Variants in G6PD observed in about 807,000 individuals in gnomAD.
G6PD encodes glucose-6-phosphate dehydrogenase.
A neutral mutation model predicts 38.2 loss-of-function variants in G6PD; 2 were observed. The ratio of observed to expected loss-of-function variants is 0.05; its 90% CI spans 0.02 to 0.16. G6PD has a LOEUF of 0.16. Among genes scored for constraint, G6PD ranks in the 10% least tolerant of loss-of-function variants. G6PD has a pLI of 1.00. For synonymous variants in G6PD, 188 were observed against 196.0 expected (o/e 0.96, Z 0.34); for missense variants, 310 against 471.6 (o/e 0.66, Z 3.17).
intron 5 of G6PD, among the ~76,000 whole-genome samples, chrX:154,534,809 A>G (rs782128499): frequency 9.0e-6 from 1 of 111,634 alleles, no homozygotes; most frequent in Admixed American, 9.4e-5. Context: ...GGAGGCATCC[A>G]AGCCATGGCT....
At chrX:154,533,805 C>A (rs781854570) in intron 7 of G6PD, 136 bp from the exon 8 acceptor site, 2 of 1,178,243 alleles carry the variant, frequency 1.7e-6, no homozygotes, top group Admixed American at 5.0e-5. Context: ...TCTTCCAGGT[C>A]CCCTTAAATC....
intron 2 of G6PD, among the ~76,000 whole-genome samples, chrX:154,537,576 C>G (rs1359132189): frequency 8.9e-6 from 1 of 111,857 alleles, no homozygotes; most frequent in African/African-American, 3.3e-5. Flanking sequence ...GATCAAGCCA[C>G]TGCACTCCAG....
At chrX:154,535,914 G>C in intron 4 of G6PD, 23 bp downstream of exon 4, 1 of 1,169,173 alleles carries the variant, frequency 8.6e-7, no homozygotes, top group Non-Finnish European at 1.2e-6. Context: ...AACCAGGCTG[G>C]GGGAGGCCCT....
chrX:154,532,806 C>A lies in G6PD; in HGVS notation c.1052-4G>T. 1 of 1,207,721 alleles carries A rather than the reference C, an allele frequency of 8.3e-7. No homozygotes were observed. Among genetic ancestry groups the A allele is most frequent in the Non-Finnish European group, 1.1e-6 (1 of 893,266 alleles). ...CAGCGCAGGATGAAGGGCACCCCTA[C>A]GTGGCGGAAAGGGCAGCCTCAGCAC... On this transcript the variant is annotated splice_polypyrimidine_tract_variant and splice_region_variant and intron_variant, in intron 9 of 12. Coordinates refer to ENST00000393562, the MANE Select transcript of G6PD (RefSeq NM_001360016.2).
chrX:154,546,655 TA>T, intron 1 of G6PD, 133 bp downstream of exon 1: 1 of 533,597 alleles, frequency 1.9e-6, no homozygotes, highest in Non-Finnish European at 2.9e-6. Context: ...GTGCGGGGTA[TA>T]AAGGGATTGG....
At chrX:154,533,802 G>A (rs1557230134) in intron 7 of G6PD, 133 bp from the exon 8 acceptor site, 1 of 1,178,832 alleles carries the variant, frequency 8.5e-7, no homozygotes, top group Non-Finnish European at 1.1e-6. Flanking sequence ...TTGTCTTCCA[G>A]GTCCCCTTAA....
chrX:154,533,250 C>T (rs1210859837), intron 8 of G6PD, 122 bp from the exon 9 acceptor site: 1 of 824,413 alleles, frequency 1.2e-6, no homozygotes. Flanking sequence ...CTCTGCTCAC[C>T]CTGCCAGAGG....
intron 2 of G6PD, among the ~76,000 whole-genome samples, chrX:154,542,798 G>C (rs2070556412): frequency 8.9e-6 from 1 of 111,803 alleles, no homozygotes; most frequent in Non-Finnish European, 1.9e-5. Context: ...ATGCGCTTTG[G>C]GGGACTGGGG....
chrX:154,545,995 C>T (rs376364760), intron 2 of G6PD, 41 bp downstream of exon 2: 20 of 1,204,551 alleles, frequency 1.7e-5, no homozygotes, highest in Non-Finnish European at 2.2e-5. Context: ...ATGGAGCAGG[C>T]ACTTCCTGGC....
rs201958777 is a variant in G6PD, at chrX:154,533,536, C to T, written c.864+40G>A. On this transcript the variant is annotated intron_variant, in intron 8 of 12. Transcript: ENST00000393562. ...CAGTGCCTCGTCACAGATGGGCCTG[C>T]GACAGGGCATGCTCCTGGGGACTGG... 49 of 1,199,649 alleles carry T rather than the reference C, an allele frequency of 4.1e-5. No homozygotes were observed. The South Asian group carries it at 4.6e-4, about 11-fold the overall frequency.
intron 2 of G6PD, among the ~76,000 whole-genome samples, chrX:154,539,684 A>T (rs1354694703): frequency 9.0e-6 from 1 of 110,973 alleles, no homozygotes; most frequent in Non-Finnish European, 1.9e-5. Context: ...AAAAGTCATC[A>T]ACAAGCTAGA....
At position 154,546,171 on chromosome X, in the gene G6PD, A is replaced by G; in HGVS notation, c.-8-8T>C. On this transcript the variant is annotated splice_region_variant and splice_polypyrimidine_tract_variant and intron_variant, in intron 1 of 12. Transcript: ENST00000393562. Reference sequence around the variant, plus strand: ...GCTCTGCCATGACGCTGTCTGGTGGAAGAAAGGCTCGTTAACAAGGCAGAA... The same window carrying G: ...GCTCTGCCATGACGCTGTCTGGTGGGAGAAAGGCTCGTTAACAAGGCAGAA... The G allele has an allele frequency of 8.3e-7, 1 of 1,211,241 alleles. No individual in the cohort carries two copies. Among genetic ancestry groups the G allele is most frequent in the Non-Finnish European group, 1.1e-6 (1 of 895,503 alleles).
chrX:154,542,168 C>A lies in G6PD; in HGVS notation c.120+3868G>T, dbSNP rs900922949. The A allele has an allele frequency of 1.1e-5, 6 of 554,109 alleles. No individual in the cohort carries two copies. The African/African-American group carries it at 1.4e-4, about 13-fold the overall frequency. The allele number at this position is 554,109 out of a possible 1,213,427, so 45.7% of individuals were successfully genotyped here. On this transcript the variant is annotated intron_variant, in intron 2 of 12. Transcript: ENST00000393562. ...CTTATCAGACCAATGGGGAAGTCAG[C>A]CCAGAAATGTTCTGAGGAAAGGGGA...
chrX:154,545,919 G>A, intron 2 of G6PD, 117 bp downstream of exon 2: 1 of 925,328 alleles, frequency 1.1e-6, no homozygotes, highest in Non-Finnish European at 1.5e-6. Context: ...TAGCAGGAGC[G>A]GGAGGAGGAG....
chrX:154,542,110 G>C, intron 2 of G6PD: 2 of 417,699 alleles, frequency 4.8e-6, no homozygotes, highest in Non-Finnish European at 8.2e-6. Context: ...GGGCTTTGGG[G>C]GAGTGCCAAC....
In G6PD at chrX:154,532,080, T is replaced by G. The variant is rs1557229427; in HGVS notation, c.1468A>C (p.Thr490Pro). The stretch of plus-strand genomic sequence containing the variant: ...CTCTTCATCAGCTCGTCTGCCTCCG[T>G]GGGGCCTCGGCTGGAGAGTGACGGG... ...IPYIYGSRGP[T>P]EADELMKRVG... Residue 490 changes from threonine (T) to proline (P), a missense_variant, in exon 13 of 13, where the codon ACG becomes CCG. By Grantham distance (38) the Thr-to-Pro change is conservative (BLOSUM62 -1). Coordinates refer to ENST00000393562, the MANE Select transcript of G6PD (RefSeq NM_001360016.2). 8.3e-7 allele frequency: 1 copy of G among 1,209,323 alleles called. No homozygotes were observed. Among genetic ancestry groups the G allele is most frequent in the Non-Finnish European group, 1.1e-6 (1 of 894,591 alleles).
At chrX:154,542,412 G>A (rs782201526) in intron 2 of G6PD, 2 of 1,197,125 alleles carry the variant, frequency 1.7e-6, no homozygotes, top group Non-Finnish European at 2.2e-6. Flanking sequence ...TGTTCCAGGC[G>A]CACACTAGTC....
At chrX:154,537,475 C>A (rs1005787350) in intron 2 of G6PD, among the ~76,000 whole-genome samples, 3 of 111,211 alleles carry the variant, frequency 2.7e-5, no homozygotes, top group African/African-American at 9.8e-5. Flanking sequence ...ATTGGCTGGG[C>A]ATGGTGGCCC....
At chrX:154,534,012 C>G in intron 7 of G6PD, 23 bp downstream of exon 7, 1 of 1,211,631 alleles carries the variant, frequency 8.3e-7, no homozygotes, top group Non-Finnish European at 1.1e-6. Context: ...GCCAGCCTCC[C>G]AGGAGAGAGG....
Sources: allele counts gnomAD v4.1 joint callset (sites outside exome capture counted in the v4.1 genomes callset), GRCh38; gene constraint gnomAD v4.1.1; transcripts MANE v1.5; gene names NCBI Gene and HGNC (gene_info 2026-07-23, HGNC 2026-07-21).